The following JADE3 variants were observed in gnomAD, a reference collection of about 807,000 sequenced individuals.
The protein encoded by JADE3 is jade family PHD finger 3, also known as protein Jade-3.
In JADE3, 2 loss-of-function variants were observed where a neutral mutation model predicts 50.1. The ratio of observed to expected loss-of-function variants is 0.04; its 90% CI spans 0.02 to 0.13. The LOEUF is 0.13. Ranked by LOEUF, JADE3 falls within the 10% of genes least tolerant of loss-of-function variation. The pLI, the probability that JADE3 is intolerant of heterozygous loss-of-function variation, is 1.00. For missense variants in JADE3, 475 were observed against 634.4 expected, an observed-to-expected ratio of 0.75 and a Z score of 2.70; for synonymous variants, 218 against 232.9, an observed-to-expected ratio of 0.94 and a Z score of 0.58.
At chrX:46,962,204 T>A (rs1047013202) in intron 1 of JADE3, among the ~76,000 whole-genome samples, 3 of 111,708 alleles carry the variant, frequency 2.7e-5, no homozygotes, top group African/African-American at 9.8e-5. Context: ...TCCTGCCTCT[T>A]AGGCTTCTCC....
intron 1 of JADE3, among the ~76,000 whole-genome samples, chrX:46,975,293 A>G (rs782402309): frequency 8.9e-6 from 1 of 112,425 alleles, no homozygotes; most frequent in South Asian, 3.7e-4. Context: ...GGGAACAGAT[A>G]TCTTGAAATC....
intron 1 of JADE3, among the ~76,000 whole-genome samples, chrX:46,924,579 A>G (rs1556338495): frequency 8.9e-6 from 1 of 112,123 alleles, no homozygotes; most frequent in African/African-American, 3.2e-5. Flanking sequence ...TGTCTAATGC[A>G]ATGCATGGTA....
At chrX:46,960,353 C>G (rs1927232753) in intron 1 of JADE3, among the ~76,000 whole-genome samples, 1 of 111,923 alleles carries the variant, frequency 8.9e-6, no homozygotes, top group Non-Finnish European at 1.9e-5. Flanking sequence ...TTGACCTTCC[C>G]AGAACGGATA....
In JADE3 at chrX:47,059,666, A is replaced by G. The variant is rs1170841497; in HGVS notation, c.*589A>G. The G allele has an allele frequency of 8.9e-6, 1 of 112,270 alleles. No homozygotes were observed. Among genetic ancestry groups the G allele is most frequent in the African/African-American group, 3.2e-5 (1 of 30,804 alleles). 9.3% of individuals were successfully genotyped at this position (112,270 alleles called of 1,213,427 possible). On this transcript the variant is annotated 3_prime_UTR_variant, in exon 11 of 11. Coordinates refer to ENST00000614628, the MANE Select transcript of JADE3 (RefSeq NM_014735.5). ...TGAGTCAATACTCCTCATGCTTATCAGTGTCCAGTGCCTGTTCCTAAACTT... is the reference window on the plus strand; with the variant it reads ...TGAGTCAATACTCCTCATGCTTATCGGTGTCCAGTGCCTGTTCCTAAACTT...
intron 1 of JADE3, among the ~76,000 whole-genome samples, chrX:46,983,607 A>G (rs1390361842): frequency 9.0e-6 from 1 of 110,740 alleles, no homozygotes; most frequent in Non-Finnish European, 1.9e-5. Flanking sequence ...GGTAGAAGGA[A>G]CCCTGTGTTC....
intron 1 of JADE3, among the ~76,000 whole-genome samples, chrX:46,942,006 G>A (rs1442810517): frequency 3.7e-5 from 4 of 108,564 alleles, no homozygotes; most frequent in Non-Finnish European, 5.7e-5. Flanking sequence ...CCTCCCAAAA[G>A]TGCTGGGATT....
At chrX:46,938,993 T>A (rs1214776669) in intron 1 of JADE3, among the ~76,000 whole-genome samples, 2 of 112,054 alleles carry the variant, frequency 1.8e-5, no homozygotes, top group Non-Finnish European at 3.8e-5. Context: ...ATGCAGCTAA[T>A]TTTTTGTATC....
chrX:46,957,092 C>T (rs782355597), intron 1 of JADE3, among the ~76,000 whole-genome samples: 3 of 111,274 alleles, frequency 2.7e-5, no homozygotes, highest in South Asian at 7.6e-4. Context: ...CCCAAAGTGC[C>T]GGGATTATAG....
chrX:47,015,476 C>T (rs1374284809), intron 4 of JADE3, among the ~76,000 whole-genome samples: 3 of 107,454 alleles, frequency 2.8e-5, no homozygotes, highest in East Asian at 3.0e-4. Flanking sequence ...CCCAGCTACT[C>T]GGGAGGCTGA....
chrX:47,028,228 T>G (rs1928945568), intron 6 of JADE3, 125 bp downstream of exon 6: 1 of 479,763 alleles, frequency 2.1e-6, no homozygotes, highest in South Asian at 3.3e-5. Flanking sequence ...TTGGCCTGGT[T>G]GTTCTTCAGT....
At chrX:46,990,524 G>C (rs1484564700) in intron 3 of JADE3, among the ~76,000 whole-genome samples, 1 of 110,948 alleles carries the variant, frequency 9.0e-6, no homozygotes, top group Non-Finnish European at 1.9e-5. Context: ...CCACCTTATT[G>C]ATCAGTGATG....
At position 46,971,794 on chromosome X, in the gene JADE3, TA is replaced by T. The variant is rs782105404; in HGVS notation, c.-11-13074del. ...CTGGGCGACAGAGCGAGACTCCGTC[TA>T]AAAAAAAAAAAAAAAGACATAAAGC... On this transcript the variant is annotated intron_variant, in intron 1 of 10. Coordinates refer to ENST00000614628, the MANE Select transcript of JADE3 (RefSeq NM_014735.5). Among the ~76,000 whole-genome samples, 691 of 85,355 alleles carry T rather than the reference TA, an allele frequency of 8.1e-3. 3 individuals carry two copies. Among genetic ancestry groups the T allele is most frequent in the East Asian group, 0.028 (79 of 2,776 alleles). 74.1% of individuals were successfully genotyped at this position (85,355 alleles called of 115,157 possible).
At chrX:47,012,145 G>A (rs983517129) in intron 4 of JADE3, among the ~76,000 whole-genome samples, 4 of 111,651 alleles carry the variant, frequency 3.6e-5, no homozygotes, top group Admixed American at 1.9e-4. Flanking sequence ...TTTTTTAAAC[G>A]GGCAGTCTTT....
rs190204050 is a variant in JADE3 at position 46,977,681 on chromosome X, T to A, written c.-11-7203T>A. Among the ~76,000 whole-genome samples the A allele has an allele frequency of 5.3e-3, 591 of 112,133 alleles. 2 individuals carry two copies. The highest frequency in any genetic ancestry group is 0.025 in the South Asian group (67 of 2,684). ...CTAGAAGCAGAACCTGAGACAGTAT[T>A]CAAATGCACATGATTTATTGAGGAG... On this transcript the variant is annotated intron_variant, in intron 1 of 10. Transcript: ENST00000614628.
chrX:46,913,408 G>A lies in JADE3; in HGVS notation c.-12+689G>A, dbSNP rs928732208. On this transcript the variant is annotated intron_variant, in intron 1 of 10. Coordinates refer to ENST00000614628, the MANE Select transcript of JADE3 (RefSeq NM_014735.5). ...TTCGAACTGCGGGTCCGTGGCCGCC[G>A]AGCGTCGGGCGGTCCGGGGGTGGGA... Among the ~76,000 whole-genome samples, 3 of 111,059 alleles carry A rather than the reference G, an allele frequency of 2.7e-5. No homozygotes were observed. The South Asian group carries it at 1.1e-3, about 42-fold the overall frequency.
At chrX:46,975,714 C>T (rs868938220) in intron 1 of JADE3, among the ~76,000 whole-genome samples, 464 of 40,417 alleles carry the variant, frequency 0.011, no homozygotes, top group Middle Eastern at 0.037. Context: ...TTTTCTTTTT[C>T]TTTTTTTTTT....
intron 1 of JADE3, among the ~76,000 whole-genome samples, chrX:46,982,868 G>A (rs1458966418): frequency 2.7e-5 from 3 of 110,521 alleles, no homozygotes; most frequent in East Asian, 5.7e-4. Flanking sequence ...CACTCTTGTC[G>A]CCCAGGCTGG....
Position 46,985,728 on chromosome X carries a change from T to C in JADE3, c.62T>C (p.Phe21Ser), listed in dbSNP as rs782420956. 4.2e-6 allele frequency: 5 copies of C among 1,195,782 alleles called. No homozygotes were observed. The highest frequency in any genetic ancestry group is 2.2e-5 in the Admixed American group (1 of 45,692). ...DSSDESPSTS[F>S]TSGSMYRIKS... The stretch of plus-strand genomic sequence containing the variant: ...TCTTTCACAGGTCCTTCCACTTCCT[T>C]TACTTCTGGCTCAATGTATAGGATC... The change falls in exon 3 of 11, where the codon TTT becomes TCT. Residue 21 changes from phenylalanine to serine, a missense_variant. Physicochemically the swap from Phe to Ser is radical, Grantham distance 155 (BLOSUM62 -2). Coordinates refer to ENST00000614628, the MANE Select transcript of JADE3 (RefSeq NM_014735.5).
At chrX:46,998,867 G>T (rs1168766158) in intron 4 of JADE3, among the ~76,000 whole-genome samples, 2 of 109,377 alleles carry the variant, frequency 1.8e-5, no homozygotes, top group African/African-American at 6.7e-5. Context: ...TAATTTTTTT[G>T]GTATTTGTTT....
Sources: allele counts gnomAD v4.1 joint callset (sites outside exome capture counted in the v4.1 genomes callset), GRCh38; gene constraint gnomAD v4.1.1; transcripts MANE v1.5; gene names NCBI Gene and HGNC (gene_info 2026-07-23, HGNC 2026-07-21).